The following ONECUT3 variants were observed in gnomAD, a reference collection of about 807,000 sequenced individuals.
ONECUT3 encodes one cut domain family member 3.
In ONECUT3, 11 loss-of-function variants were observed where a neutral mutation model predicts 16.8. The observed-to-expected ratio is 0.66, with a 90% CI of 0.41 to 1.09. The LOEUF is 1.09. Among genes scored for constraint, ONECUT3 ranks in the 50% least tolerant of loss-of-function variants. ONECUT3 has a pLI of 0.00. For missense variants in ONECUT3, 637 were observed against 629.9 expected, an observed-to-expected ratio of 1.01 and a Z score of -0.12; for synonymous variants, 344 against 310.7, an observed-to-expected ratio of 1.11 and a Z score of -1.13.
Position 1,755,683 on chromosome 19 carries a change from T to C in ONECUT3, c.1192+829T>C, listed in dbSNP as rs1472372025. Among the ~76,000 whole-genome samples the C allele has an allele frequency of 2.6e-5, 4 of 152,192 alleles. No individual in the cohort carries two copies. The highest frequency in any genetic ancestry group is 9.7e-5 in the African/African-American group (4 of 41,444). The stretch of plus-strand genomic sequence containing the variant: ...TCGGAACACACTGGTATCTCTATGT[T>C]TTTCTCTTGCTCTCCGTTTTGCTCT... On this transcript the variant is annotated intron_variant, in intron 1 of 1. Coordinates refer to ENST00000382349, the MANE Select transcript of ONECUT3 (RefSeq NM_001080488.2). The surrounding 1 kb of genome is among the most constrained non-coding windows in gnomAD (Gnocchi z 7.5).
At chr19:1,760,843 G>A (rs2067942870) in intron 1 of ONECUT3, among the ~76,000 whole-genome samples, 1 of 152,170 alleles carries the variant, frequency 6.6e-6, no homozygotes, top group Admixed American at 6.5e-5. Flanking sequence ...AGTCTCTTGA[G>A]TGGTGAGGGG....
intron 1 of ONECUT3, among the ~76,000 whole-genome samples, chr19:1,768,836 TG>T (rs528608321): frequency 4.1e-4 from 31 of 75,628 alleles, no homozygotes; most frequent in Admixed American, 7.5e-4. Flanking sequence ...GAGGTGGTGA[TG>T]GGGGTGGAAG....
chr19:1,775,041 C>T (rs2068091845), intron 1 of ONECUT3, 112 bp from the exon 2 acceptor site: 2 of 648,466 alleles, frequency 3.1e-6, no homozygotes. Flanking sequence ...CCAACGTGTC[C>T]CTTCTCCCCT....
In ONECUT3 at chr19:1,762,606, C is replaced by A. The variant is rs888482266; in HGVS notation, c.1192+7752C>A. Among the ~76,000 whole-genome samples the A allele has an allele frequency of 6.6e-6, 1 of 152,252 alleles. No individual in the cohort carries two copies. Among genetic ancestry groups the A allele is most frequent in the South Asian group, 2.1e-4 (1 of 4,838 alleles). On this transcript the variant is annotated intron_variant, in intron 1 of 1. Coordinates refer to ENST00000382349, the MANE Select transcript of ONECUT3 (RefSeq NM_001080488.2). The surrounding 1 kb of genome is among the most constrained non-coding windows in gnomAD (Gnocchi z 4.4). ...GCGCGCCCGGCCCCCAACAGCCTGA[C>A]AGGACCTGGACGCACGTGCCCCGGC...
In ONECUT3 at chr19:1,754,408, CCG is replaced by C; in HGVS notation, c.750_751del (p.Leu251AlafsTer224). On this transcript the variant is annotated frameshift_variant, in exon 1 of 2. Transcript: ENST00000382349. LOFTEE classifies it high-confidence loss of function. The surrounding 1 kb of genome is among the most constrained non-coding windows in gnomAD (Gnocchi z 7.4). ...CCGCCCGCCGCCTTCGAGCCGCACG[CCG>C]CGCTGCTGGGACGCGCGGAGGACGC... 1.8e-6 allele frequency: 2 copies of C among 1,081,434 alleles called. No individual in the cohort carries two copies. Among genetic ancestry groups the C allele is most frequent in the South Asian group, 2.5e-5 (1 of 39,772 alleles). The allele number at this position is 1,081,434 out of a possible 1,614,324, so 67.0% of individuals were successfully genotyped here.
rs1467994063 is a variant in ONECUT3, at chr19:1,759,496, G to A, written c.1192+4642G>A. Among the ~76,000 whole-genome samples the A allele has an allele frequency of 1.3e-5, 2 of 152,002 alleles. No individual in the cohort carries two copies. Among genetic ancestry groups the A allele is most frequent in the Admixed American group, 6.6e-5 (1 of 15,258 alleles). ...TGAGCAGGGAGAGGAGGAGGAGGAG[G>A]AGAGGGAAGGGAGGGAAGGAAGGGG... On this transcript the variant is annotated intron_variant, in intron 1 of 1. Transcript: ENST00000382349. This position sits in a 1 kb window ranked among gnomAD's most constrained non-coding sequence, Gnocchi z 4.1.
At chr19:1,760,419 CGGCGGGGG>C (rs1416886594) in intron 1 of ONECUT3, among the ~76,000 whole-genome samples, 1 of 118,190 alleles carries the variant, frequency 8.5e-6, no homozygotes, top group Non-Finnish European at 1.7e-5. Flanking sequence ...GAGAAGGGAC[CGGCGGGGG>C]GGCGGGGGGT....
At position 1,754,015 on chromosome 19, in the gene ONECUT3, C is replaced by T. The variant is rs1246738168; in HGVS notation, c.353C>T (p.Ala118Val). The T allele has an allele frequency of 1.1e-5, 11 of 992,942 alleles. No individual in the cohort carries two copies. The highest frequency in any genetic ancestry group is 5.0e-4 in the Middle Eastern group (1 of 1,982). 61.5% of individuals were successfully genotyped at this position (992,942 alleles called of 1,614,324 possible). A position where few individuals can be genotyped will look rare whatever the true frequency, so the allele number is the denominator to read the frequency against. The part of the protein sequence containing the change: ...LTPLQHLPPL[A>V]AVADKFHQHA... Reference sequence around the variant, plus strand: ...CCCCTGCAGCACCTGCCGCCGCTCGCGGCCGTGGCCGACAAGTTCCACCAG... The same window carrying T: ...CCCCTGCAGCACCTGCCGCCGCTCGTGGCCGTGGCCGACAAGTTCCACCAG... The change falls in exon 1 of 2, where the codon GCG becomes GTG. Residue 118 changes from alanine (A) to valine (V), a missense_variant. Physicochemically the swap from Ala to Val is moderately conservative, Grantham distance 64. Transcript: ENST00000382349. The surrounding 1 kb of genome is among the most constrained non-coding windows in gnomAD (Gnocchi z 7.4).
rs970237292 is a variant in ONECUT3 at position 1,762,929 on chromosome 19, C to T, written c.1192+8075C>T. Among the ~76,000 whole-genome samples, 1 of 152,228 alleles carries T rather than the reference C, an allele frequency of 6.6e-6. No homozygotes were observed. The highest frequency in any genetic ancestry group is 1.5e-5 in the Non-Finnish European group (1 of 68,040). On this transcript the variant is annotated intron_variant, in intron 1 of 1. Coordinates refer to ENST00000382349, the MANE Select transcript of ONECUT3 (RefSeq NM_001080488.2). This position sits in a 1 kb window ranked among gnomAD's most constrained non-coding sequence, Gnocchi z 4.4. ...CTCCCTGGTTCCCTAAAATATTCTA[C>T]ATTCTTTTGGCCCGGCGGGGAGGCT...
At position 1,775,883 on chromosome 19, in the gene ONECUT3, C is replaced by G. The variant is rs949624109; in HGVS notation, c.*438C>G. 1 of 152,948 alleles carries G rather than the reference C, an allele frequency of 6.5e-6. No homozygotes were observed. The highest frequency in any genetic ancestry group is 6.5e-5 in the Admixed American group (1 of 15,288). 9.5% of individuals were successfully genotyped at this position (152,948 alleles called of 1,614,324 possible). On this transcript the variant is annotated 3_prime_UTR_variant, in exon 2 of 2. Transcript: ENST00000382349. ...CCCCTCCTCCGTCAGATCCCCTGCC[C>G]CACCGAGGGAGGTAGTAGAAAACTT...
chr19:1,763,730 T>C (rs1255769608), intron 1 of ONECUT3, among the ~76,000 whole-genome samples: 3 of 113,170 alleles, frequency 2.7e-5, no homozygotes, highest in South Asian at 2.5e-4. Context: ...TTTCCCTTTT[T>C]TGTTTTTTTT....
chr19:1,768,482 T>C (rs1486266679), intron 1 of ONECUT3, among the ~76,000 whole-genome samples: 1 of 151,964 alleles, frequency 6.6e-6, no homozygotes, highest in African/African-American at 2.4e-5. Flanking sequence ...GCACTGTCTT[T>C]ACAAAGGAAG....
At position 1,767,249 on chromosome 19, in the gene ONECUT3, G is replaced by A. The variant is rs565020586; in HGVS notation, c.1193-7904G>A. ...TCAGGGACCCCCAGATGGGAGCTGGGAGCCTCTTGTTAGCCCTGCCGTATT... is the reference window on the plus strand; with the variant it reads ...TCAGGGACCCCCAGATGGGAGCTGGAAGCCTCTTGTTAGCCCTGCCGTATT... On this transcript the variant is annotated intron_variant, in intron 1 of 1. Transcript: ENST00000382349. Among the ~76,000 whole-genome samples the A allele has an allele frequency of 9.2e-5, 14 of 152,206 alleles. No individual in the cohort carries two copies. In the South Asian group the frequency reaches 2.7e-3, roughly 29 times the overall value.
intron 1 of ONECUT3, among the ~76,000 whole-genome samples, chr19:1,774,918 CCTGTCT>C (rs1663324503): frequency 6.6e-6 from 1 of 152,030 alleles, no homozygotes; most frequent in South Asian, 2.1e-4. Flanking sequence ...TTGCTGTTTC[CCTGTCT>C]CTGTCTCTGT....
Position 1,766,619 on chromosome 19 carries a change from C to T in ONECUT3, c.1193-8534C>T, listed in dbSNP as rs2067992747. 6.7e-6 allele frequency among the ~76,000 whole-genome samples: 1 copy of T among 150,294 alleles called. No individual in the cohort carries two copies. The highest frequency in any genetic ancestry group is 1.5e-5 in the Non-Finnish European group (1 of 67,384). Reference sequence around the variant, plus strand: ...GGTGAGGAGGAGGAGAGGGGATGGTCCCCTCTTGGAGGGTGATGGGGGTTG... The same window carrying T: ...GGTGAGGAGGAGGAGAGGGGATGGTTCCCTCTTGGAGGGTGATGGGGGTTG... On this transcript the variant is annotated intron_variant, in intron 1 of 1. Transcript: ENST00000382349. This position sits in a 1 kb window ranked among gnomAD's most constrained non-coding sequence, Gnocchi z 4.0.
intron 1 of ONECUT3, among the ~76,000 whole-genome samples, chr19:1,768,507 A>G (rs1246573643): frequency 6.6e-6 from 1 of 152,120 alleles, no homozygotes; most frequent in Non-Finnish European, 1.5e-5. Flanking sequence ...TGAGGCCTCC[A>G]AGGGAATGGG....
intron 1 of ONECUT3, among the ~76,000 whole-genome samples, chr19:1,773,188 C>T (rs755091261): frequency 6.6e-6 from 1 of 151,940 alleles, no homozygotes; most frequent in Non-Finnish European, 1.5e-5. Context: ...TATAGCTTTG[C>T]CTGCCTTGTC....
chr19:1,757,642 G>T (rs1317020400), intron 1 of ONECUT3, among the ~76,000 whole-genome samples: 1 of 152,082 alleles, frequency 6.6e-6, no homozygotes, highest in Non-Finnish European at 1.5e-5. Context: ...GTGCCCTGGG[G>T]GCCGCGTCTA....
chr19:1,778,805 C>A lies in ONECUT3; in HGVS notation c.*3360C>A, dbSNP rs538973704. The A allele has an allele frequency of 1.3e-3, 195 of 150,184 alleles. 1 individual carries two copies. Among genetic ancestry groups the A allele is most frequent in the Non-Finnish European group, 2.4e-3 (164 of 67,784 alleles). The allele number at this position is 150,184 out of a possible 1,614,324, so 9.3% of individuals were successfully genotyped here. A position where few individuals can be genotyped will look rare whatever the true frequency, so the allele number is the denominator to read the frequency against. Reference sequence around the variant, plus strand: ...TGGGCAACACAGCAAGACCCCACTTCTACAAAAAAAAATAAATAAAGTGGC... The same window carrying A: ...TGGGCAACACAGCAAGACCCCACTTATACAAAAAAAAATAAATAAAGTGGC... On this transcript the variant is annotated 3_prime_UTR_variant, in exon 2 of 2. Coordinates refer to ENST00000382349, the MANE Select transcript of ONECUT3 (RefSeq NM_001080488.2).
Sources: gnomAD v4.1 joint callset for allele counts (sites outside exome capture counted in the v4.1 genomes callset) on GRCh38, gnomAD v4.1.1 for gene constraint, Gnocchi (gnomAD v3.1) non-coding constraint, MANE v1.5 for transcripts, NCBI Gene and HGNC (gene_info 2026-07-23, HGNC 2026-07-21) for gene names.